ZNF311: variants seen among roughly 807,000 people sequenced by gnomAD.
ZNF311 encodes the protein zinc finger protein zfp31.
Under a neutral mutation model 22.7 loss-of-function variants are expected in ZNF311, and 14 were observed. The ratio of observed to expected loss-of-function variants is 0.62; its 90% confidence interval spans 0.41 to 0.96. The LOEUF (loss-of-function observed/expected upper bound fraction) is 0.96. Among genes scored for constraint, ZNF311 ranks in the 40% least tolerant of loss-of-function variants. The pLI is 0.00. For missense variants in ZNF311, 731 were observed against 799.0 expected (o/e 0.91, Z 1.03); for synonymous variants, 250 against 275.3 (o/e 0.91, Z 0.91).
chr6:29,004,601 G>A (rs1780928772), intron 1 of ZNF311, among the ~76,000 whole-genome samples: 8 of 151,894 alleles, frequency 5.3e-5, no homozygotes, highest in Admixed American at 5.2e-4. Flanking sequence ...TCATTTCATC[G>A]CTCTGCTGAA....
chr6:28,995,377 A>G lies in ZNF311; in HGVS notation c.1625T>C (p.Leu542Ser), dbSNP rs373967972. 3 of 1,613,976 alleles carry G rather than the reference A, an allele frequency of 1.9e-6. No individual in the cohort carries two copies. In the African/African-American group the frequency reaches 4.0e-5, roughly 22 times the overall value. Residue 542 changes from leucine (L) to serine (S), a missense_variant, in exon 7 of 7, where the codon TTG (leucine) becomes TCG (serine). Leu to Ser is a moderately radical substitution (Grantham distance 145). Coordinates refer to ENST00000377179, the MANE Select transcript of ZNF311 (RefSeq NM_001382360.1). The surrounding 1 kb of genome is among the most constrained non-coding windows in gnomAD (Gnocchi z 4.7). ...CGKAFSGKSN[L>S]TNHRRIHTGE... ...AGTGTGAATTCTTCGATGATTGGTC[A>G]AGTTTGACTTCCCACTGAAAGCTTT...
chr6:29,004,650 T>C (rs1161913530), intron 1 of ZNF311, among the ~76,000 whole-genome samples: 1 of 152,054 alleles, frequency 6.6e-6, no homozygotes, highest in Non-Finnish European at 1.5e-5. Flanking sequence ...AAACCTGAAG[T>C]CCTTACCGAG....
In ZNF311 at chr6:28,995,077, A is replaced by G; in HGVS notation, c.1925T>C (p.Leu642Pro). The G allele has an allele frequency of 6.2e-7, 1 of 1,613,692 alleles. No individual in the cohort carries two copies. Among genetic ancestry groups the G allele is most frequent in the Non-Finnish European group, 8.5e-7 (1 of 1,180,034 alleles). Reference sequence around the variant, plus strand: ...AGAGAGGGATTTCCTACTCCCATCAAGTTCATGGGTACTCCATACTTGATG... The same window carrying G: ...AGAGAGGGATTTCCTACTCCCATCAGGTTCATGGGTACTCCATACTTGATG... ...RKHQVWSTHELDGSRKSLSPV... is the reference protein window; with the variant it reads ...RKHQVWSTHEPDGSRKSLSPV... Residue 642 changes from leucine to proline, a missense_variant, in exon 7 of 7, where the codon CTT (leucine) becomes CCT (proline). Leu to Pro is a moderately conservative substitution (Grantham distance 98). Transcript: ENST00000377179. This position sits in a 1 kb window ranked among gnomAD's most constrained non-coding sequence, Gnocchi z 4.7.
intron 1 of ZNF311, among the ~76,000 whole-genome samples, chr6:29,004,442 CTTTTTTTT>C (rs9280531): frequency 1.3e-4 from 4 of 30,604 alleles, no homozygotes; most frequent in Admixed American, 4.0e-4. Context: ...TTCCTCCTTT[CTTTTTTTT>C]TTTTTTTTTT....
At position 28,999,480 on chromosome 6, in the gene ZNF311, T is replaced by C; in HGVS notation, c.310+7A>G. On this transcript the variant is annotated splice_region_variant and intron_variant, in intron 5 of 6. Transcript: ENST00000377179. ...TAGAAAGCATTAAGTGTAGGGAAGGTCCTTACCAAGTGATACCATGTTCCC... is the reference window on the plus strand; with the variant it reads ...TAGAAAGCATTAAGTGTAGGGAAGGCCCTTACCAAGTGATACCATGTTCCC... 2 of 1,600,778 alleles carry C rather than the reference T, an allele frequency of 1.2e-6. No individual in the cohort carries two copies.
chr6:28,999,061 C>G (rs1780043688), intron 5 of ZNF311, among the ~76,000 whole-genome samples: 1 of 149,032 alleles, frequency 6.7e-6, no homozygotes, highest in African/African-American at 2.5e-5. Flanking sequence ...TTCTGGGAAA[C>G]AGTCATTTGG....
intron 3 of ZNF311, among the ~76,000 whole-genome samples, 154 bp from the exon 4 acceptor site, chr6:29,000,201 T>G (rs1254556441): frequency 6.6e-6 from 1 of 152,198 alleles, no homozygotes; most frequent in Non-Finnish European, 1.5e-5. Flanking sequence ...TCATTATTTT[T>G]CTAGTCTCAA....
chr6:29,004,101 AG>A lies in ZNF311; in HGVS notation c.-148del. ...CACATGTTTTGGTGGTGCCAGCCAA[AG>A]GGCCCTTCTTGACCCACAGTGCCGC... is the stretch of plus-strand genomic sequence containing the variant. On this transcript the variant is annotated 5_prime_UTR_variant, in exon 2 of 7. The change abolishes the stop of an existing upstream ORF in the 5' untranslated region. Coordinates refer to ENST00000377179, the MANE Select transcript of ZNF311 (RefSeq NM_001382360.1). 6.3e-7 allele frequency: 1 copy of A among 1,580,490 alleles called. No individual in the cohort carries two copies. Among genetic ancestry groups the A allele is most frequent in the Non-Finnish European group, 8.6e-7 (1 of 1,164,774 alleles).
chr6:29,003,489 G>T, intron 3 of ZNF311, 24 bp downstream of exon 3: 1 of 1,611,458 alleles, frequency 6.2e-7, no homozygotes, highest in Non-Finnish European at 8.5e-7. Flanking sequence ...CGTGACTCCT[G>T]CCACAATCTC....
At chr6:28,997,941 CA>C in intron 6 of ZNF311, among the ~76,000 whole-genome samples, 1 of 152,040 alleles carries the variant, frequency 6.6e-6, no homozygotes, top group Non-Finnish European at 1.5e-5. Context: ...AGAAAACTCC[CA>C]AAAAACAGAC....
chr6:28,997,465 A>T (rs1779771732), intron 6 of ZNF311, among the ~76,000 whole-genome samples: 1 of 152,138 alleles, frequency 6.6e-6, no homozygotes, highest in African/African-American at 2.4e-5. Context: ...AAGACTCCAA[A>T]TACATCTTAT....
At chr6:29,005,464 G>A, upstream of ZNF311, 1 of 152,174 alleles carries the variant, frequency 6.6e-6, no homozygotes, top group Non-Finnish European at 1.5e-5. Context: ...GCCCCTGCCT[G>A]CAACCCCAGG....
chr6:28,995,056 A>G lies in ZNF311; in HGVS notation c.1946T>C (p.Leu649Pro), dbSNP rs1203195271. The G allele has an allele frequency of 1.9e-6, 3 of 1,613,374 alleles. No individual in the cohort carries two copies. Among genetic ancestry groups the G allele is most frequent in the Non-Finnish European group, 2.5e-6 (3 of 1,179,990 alleles). Residue 649 changes from leucine (L) to proline (P), a missense_variant, in exon 7 of 7, where the codon CTC (leucine) becomes CCC (proline). Leu to Pro is a moderately conservative substitution (Grantham distance 98). Coordinates refer to ENST00000377179, the MANE Select transcript of ZNF311 (RefSeq NM_001382360.1). This position sits in a 1 kb window ranked among gnomAD's most constrained non-coding sequence, Gnocchi z 4.7. Reference sequence around the variant, plus strand: ...GGTCTGAGAAACAGTCACTGGAGAGAGGGATTTCCTACTCCCATCAAGTTC... The same window carrying G: ...GGTCTGAGAAACAGTCACTGGAGAGGGGGATTTCCTACTCCCATCAAGTTC... ...THELDGSRKSLSPVTVSQTSV... is the reference protein window; with the variant it reads ...THELDGSRKSPSPVTVSQTSV...
At chr6:29,004,338 A>T (rs1327669624) in intron 1 of ZNF311, 124 bp from the exon 2 acceptor site, 1 of 505,034 alleles carries the variant, frequency 2.0e-6, no homozygotes, top group African/African-American at 2.0e-5. Context: ...CTCAACGGCT[A>T]CCACCCTTGT....
At chr6:29,000,572 A>T (rs551327368) in intron 3 of ZNF311, among the ~76,000 whole-genome samples, 63 of 152,218 alleles carry the variant, frequency 4.1e-4, no homozygotes, top group Admixed American at 3.8e-3. Context: ...ACCTCCAGTT[A>T]GTTACAAATT....
intron 6 of ZNF311, among the ~76,000 whole-genome samples, chr6:28,997,299 G>C (rs1033502107): frequency 1.3e-5 from 2 of 152,200 alleles, no homozygotes; most frequent in Non-Finnish European, 2.9e-5. Flanking sequence ...GACTCACAAA[G>C]AAGCAGGGAA....
At chr6:28,998,710 A>G (rs375668644) in intron 6 of ZNF311, 24 bp downstream of exon 6, 8 of 1,501,466 alleles carry the variant, frequency 5.3e-6, no homozygotes, top group Non-Finnish European at 7.4e-6. Flanking sequence ...ATCAGAGGGA[A>G]CTGAAAGTTT....
At chr6:29,004,442 CTTTTTTTTTTTTTTT>C (rs9280531) in intron 1 of ZNF311, among the ~76,000 whole-genome samples, 3 of 30,636 alleles carry the variant, frequency 9.8e-5, no homozygotes, top group South Asian at 3.0e-3. Flanking sequence ...TTCCTCCTTT[CTTTTTTTTTTTTTTT>C]TTTTTTTTTT....
intron 3 of ZNF311, among the ~76,000 whole-genome samples, chr6:29,000,736 A>G (rs556880209): frequency 6.6e-6 from 1 of 152,100 alleles, no homozygotes; most frequent in African/African-American, 2.4e-5. Context: ...AGAGTGTCCA[A>G]GTGTTCAGGT....
Sources: gnomAD v4.1 joint callset for allele counts (sites outside exome capture counted in the v4.1 genomes callset) on GRCh38, gnomAD v4.1.1 for gene constraint, Gnocchi (gnomAD v3.1) non-coding constraint, MANE v1.5 for transcripts, NCBI Gene and HGNC (gene_info 2026-07-23, HGNC 2026-07-21) for gene names.